The following BBS1 variants were observed in gnomAD, a reference collection of about 807,000 sequenced individuals.
The protein encoded by BBS1 is BBSome complex member BBS1.
Under a neutral mutation model 73.9 loss-of-function variants are expected in BBS1, and 60 were observed. The ratio of observed to expected loss-of-function variants is 0.81; its 90% confidence interval spans 0.66 to 1.01. BBS1 has a LOEUF of 1.01. BBS1 is among the 50% of genes least tolerant of loss of function. The pLI, the probability that BBS1 is intolerant of heterozygous loss-of-function variation, is 0.00. For synonymous variants in BBS1, 283 were observed against 317.4 expected (o/e 0.89, Z 1.15); for missense variants, 718 against 770.3 (o/e 0.93, Z 0.80).
At chr11:66,526,528 G>A (rs1234136608) in intron 12 of BBS1, 121 bp from the exon 13 acceptor site, 24 of 1,252,866 alleles carry the variant, frequency 1.9e-5, no homozygotes, top group South Asian at 3.7e-5. Context: ...AAACAGTCTC[G>A]TCTGGAAGAC....
intron 7 of BBS1, 70 bp from the exon 8 acceptor site, chr11:66,519,547 T>A: frequency 1.2e-6 from 2 of 1,606,676 alleles, no homozygotes. Context: ...TTCCCTCATG[T>A]GGCATTCTGG....
chr11:66,520,132 C>T (rs1306925073), intron 8 of BBS1, among the ~76,000 whole-genome samples: 1 of 152,138 alleles, frequency 6.6e-6, no homozygotes, highest in East Asian at 1.9e-4. Context: ...TGCACTCCAG[C>T]CTGGGCGACA....
intron 13 of BBS1, 49 bp downstream of exon 13, chr11:66,526,856 A>G: frequency 6.2e-7 from 1 of 1,614,074 alleles, no homozygotes; most frequent in Non-Finnish European, 8.5e-7. Context: ...CACTGCTCCT[A>G]CACAGCAAAG....
chr11:66,531,662 T>A lies in BBS1; in HGVS notation c.1615T>A (p.Leu539Met). ...SLPRAFFKVP[L>M]LVPGLNYPLE... ...TCTTTGTCCCCAAACTTAGGTACCC[T>A]TGCTGGTGCCAGGGCTCAACTACCC... The change falls in exon 16 of 17, where the codon TTG becomes ATG. Residue 539 changes from leucine (L) to methionine (M), a missense_variant. By Grantham distance (15) the Leu-to-Met change is conservative. Coordinates refer to ENST00000318312, the MANE Select transcript of BBS1 (RefSeq NM_024649.5). 1 of 1,614,074 alleles carries A rather than the reference T, an allele frequency of 6.2e-7. No individual in the cohort carries two copies.
At chr11:66,515,613 C>T (rs749506870) in intron 5 of BBS1, 27 bp downstream of exon 5, 39 of 1,614,024 alleles carry the variant, frequency 2.4e-5, no homozygotes, top group South Asian at 3.3e-5. Context: ...CCCTTCATAC[C>T]CCCCTCACTC....
At chr11:66,526,246 C>G (rs939299466) in intron 12 of BBS1, 54 bp downstream of exon 12, 19 of 1,541,914 alleles carry the variant, frequency 1.2e-5, no homozygotes, top group Admixed American at 5.0e-5. Context: ...AAGGGACAGG[C>G]CTGCTTCTGG....
chr11:66,515,923 T>C lies in BBS1; in HGVS notation c.581T>C (p.Ile194Thr). Residue 194 changes from isoleucine (I) to threonine (T), a missense_variant, in exon 7 of 17, where the codon ATC becomes ACC. Transcript: ENST00000318312. Reference sequence around the variant, plus strand: ...GTAAACCAACACAAGTCCAACTCCATCAAGCGGCAGGTAATACCCCCTTCT... The same window carrying C: ...GTAAACCAACACAAGTCCAACTCCACCAAGCGGCAGGTAATACCCCCTTCT... Reference protein sequence around the residue: ...AFVNQHKSNSIKRQTVITTMT... With the variant: ...AFVNQHKSNSTKRQTVITTMT... 2 of 1,614,180 alleles carry C rather than the reference T, an allele frequency of 1.2e-6. 1 individual carries two copies. Among genetic ancestry groups the C allele is most frequent in the South Asian group, 2.2e-5 (2 of 91,084 alleles).
rs566163011 is a variant in BBS1 at position 66,529,380 on chromosome 11, G to T, written c.1340-439G>T. 1.6e-5 allele frequency: 23 copies of T among 1,403,232 alleles called. 1 individual carries two copies. The African/African-American group carries it at 1.8e-4, about 11-fold the overall frequency. 86.9% of individuals were successfully genotyped at this position (1,403,232 alleles called of 1,614,324 possible). On this transcript the variant is annotated intron_variant, in intron 13 of 16. Coordinates refer to ENST00000318312, the MANE Select transcript of BBS1 (RefSeq NM_024649.5). The stretch of plus-strand genomic sequence containing the variant: ...GACCTCCCTGTGGAGATGAGCAGGA[G>T]GCAGGCGAGGGTGCTCACTAAGCTG...
intron 4 of BBS1, 121 bp from the exon 5 acceptor site, chr11:66,515,419 T>G (rs1856027804): frequency 1.9e-6 from 2 of 1,041,668 alleles, no homozygotes; most frequent in Admixed American, 3.5e-5. Flanking sequence ...AGTGCAGAGG[T>G]AGGCTGGCAG....
At chr11:66,521,449 T>G in intron 9 of BBS1, 73 bp downstream of exon 9, 1 of 1,194,626 alleles carries the variant, frequency 8.4e-7, no homozygotes, top group Non-Finnish European at 1.2e-6. Context: ...GCTTGCAAGA[T>G]GAGAGTGGGC....
At chr11:66,527,023 G>A in intron 13 of BBS1, 1 of 1,536,302 alleles carries the variant, frequency 6.5e-7, no homozygotes, top group Non-Finnish European at 8.7e-7. Context: ...GTGACAGCAA[G>A]AGCCCTTAGA....
chr11:66,515,676 G>A lies in BBS1; in HGVS notation c.480-17G>A. On this transcript the variant is annotated splice_polypyrimidine_tract_variant and intron_variant, in intron 5 of 16. Transcript: ENST00000318312. The stretch of plus-strand genomic sequence containing the variant: ...CATTCTTCCATTCGGCTGCCATGCT[G>A]GCCCCTTTCCTTGCAGGGAGACGGC... 6.2e-7 allele frequency: 1 copy of A among 1,614,164 alleles called. No homozygotes were observed. The highest frequency in any genetic ancestry group is 1.1e-5 in the South Asian group (1 of 91,084).
At chr11:66,512,044 A>G (rs556616500) in intron 3 of BBS1, among the ~76,000 whole-genome samples, 5 of 145,198 alleles carry the variant, frequency 3.4e-5, no homozygotes, top group Admixed American at 6.9e-5. Flanking sequence ...ATATATATGT[A>G]TATATATGTG....
At chr11:66,524,065 A>C in intron 11 of BBS1, 183 bp downstream of exon 11, 3 of 846,618 alleles carry the variant, frequency 3.5e-6, no homozygotes, top group Non-Finnish European at 5.7e-6. Context: ...AGATCACCTG[A>C]GGTAAGGAGT....
At position 66,529,845 on chromosome 11, in the gene BBS1, C is replaced by T; in HGVS notation, c.1366C>T (p.Leu456=). The T allele has an allele frequency of 6.2e-7, 1 of 1,611,230 alleles. No individual in the cohort carries two copies. Among genetic ancestry groups the T allele is most frequent in the Non-Finnish European group, 8.5e-7 (1 of 1,180,000 alleles). ...TAMHRAFQTD[L]YLLRLRAARA... ...CATGCACCGGGCCTTCCAGACAGAC[C>T]TATACCTGCTGCGCCTACGTGCTGC... The change falls in exon 14 of 17, where the codon CTA becomes TTA. Residue 456 remains leucine (L), a synonymous_variant. Transcript: ENST00000318312.
intron 10 of BBS1, 51 bp downstream of exon 10, chr11:66,523,627 C>G: frequency 6.2e-7 from 1 of 1,613,108 alleles, no homozygotes; most frequent in Non-Finnish European, 8.5e-7. Flanking sequence ...CCCTAGCCCC[C>G]ACTTGGCAAG....
chr11:66,527,996 C>T (rs753574469), intron 13 of BBS1, among the ~76,000 whole-genome samples: 1 of 151,890 alleles, frequency 6.6e-6, no homozygotes, highest in African/African-American at 2.4e-5. Context: ...TTTGGGAGGC[C>T]GAGGCAGGCA....
chr11:66,526,119 A>C lies in BBS1; in HGVS notation c.1111-4A>C. The C allele has an allele frequency of 6.2e-7, 1 of 1,614,120 alleles. No individual in the cohort carries two copies. Among genetic ancestry groups the C allele is most frequent in the South Asian group, 1.1e-5 (1 of 91,082 alleles). ...CCCAACTAAACTCTGACGTCTCCAC[A>C]TAGGATGCAGTGACCAGCCTTTGCT... On this transcript the variant is annotated splice_polypyrimidine_tract_variant and splice_region_variant and intron_variant, in intron 11 of 16. Coordinates refer to ENST00000318312, the MANE Select transcript of BBS1 (RefSeq NM_024649.5).
rs1440535691 is a variant in BBS1 at position 66,531,701 on chromosome 11, G to A, written c.1654G>A (p.Val552Met). 8.7e-6 allele frequency: 14 copies of A among 1,614,132 alleles called. No individual in the cohort carries two copies. Among genetic ancestry groups the A allele is most frequent in the South Asian group, 2.2e-5 (2 of 91,088 alleles). Reference protein sequence around the residue: ...PGLNYPLETFVESLSNKGISD... With the variant: ...PGLNYPLETFMESLSNKGISD... ...GCTCAACTACCCCCTGGAGACCTTT[G>A]TGGAGAGTCTCAGTAACAAGGGCAT... Residue 552 changes from valine (V) to methionine (M), a missense_variant, in exon 16 of 17, where the codon GTG (valine) becomes ATG (methionine). Transcript: ENST00000318312.
Sources: gnomAD v4.1 joint callset for allele counts (sites outside exome capture counted in the v4.1 genomes callset) on GRCh38, gnomAD v4.1.1 for gene constraint, MANE v1.5 for transcripts, NCBI Gene and HGNC (gene_info 2026-07-23, HGNC 2026-07-21) for gene names.